Variants in PLPPR5 observed in about 807,000 individuals in gnomAD.
The protein encoded by PLPPR5 is phospholipid phosphatase related 5.
Under a neutral mutation model 33.9 loss-of-function variants are expected in PLPPR5, and 16 were observed. The ratio of observed to expected loss-of-function variants is 0.47; its 90% CI spans 0.32 to 0.72. The LOEUF (loss-of-function observed/expected upper bound fraction) is 0.72, where lower values mean the gene tolerates loss of function less well. PLPPR5 is among the 30% of genes least tolerant of loss of function. PLPPR5 has a pLI of 0.03. For synonymous variants in PLPPR5, 163 were observed against 150.3 expected, an observed-to-expected ratio of 1.08 and a Z score of -0.62; for missense variants, 301 against 406.7, an observed-to-expected ratio of 0.74 and a Z score of 2.23.
At chr1:98,919,476 T>C (rs1649471100) in intron 4 of PLPPR5, among the ~76,000 whole-genome samples, 1 of 152,180 alleles carries the variant, frequency 6.6e-6, no homozygotes, top group South Asian at 2.1e-4. Flanking sequence ...TATTACAACA[T>C]ATTACAGGCC....
chr1:98,990,910 T>A lies in PLPPR5; in HGVS notation c.237+13525A>T, dbSNP rs371621374. On this transcript the variant is annotated intron_variant, in intron 1 of 5. Coordinates refer to ENST00000263177, the MANE Select transcript of PLPPR5 (RefSeq NM_001037317.2). The stretch of plus-strand genomic sequence containing the variant: ...AATACACAAATATTAGCGTTATTTA[T>A]ATCTACCATTTTAAAGGCATTATGG... The A allele has an allele frequency of 2.0e-5, 3 of 152,178 alleles. No individual in the cohort carries two copies. The East Asian group carries it at 5.8e-4, about 29-fold the overall frequency. The allele number at this position is 152,178 out of a possible 1,614,324, so 9.4% of individuals were successfully genotyped here. A position where few individuals can be genotyped will look rare whatever the true frequency, so the allele number is the denominator to read the frequency against.
chr1:98,983,611 G>A (rs1172128283), intron 1 of PLPPR5, among the ~76,000 whole-genome samples: 1 of 151,386 alleles, frequency 6.6e-6, no homozygotes, highest in Non-Finnish European at 1.5e-5. Flanking sequence ...CCAGTAATGG[G>A]ATGGCTGGGT....
At chr1:98,952,953 C>T in intron 3 of PLPPR5, 117 bp downstream of exon 3, 1 of 1,253,946 alleles carries the variant, frequency 8.0e-7, no homozygotes, top group South Asian at 1.5e-5. Flanking sequence ...AAATGGCCTA[C>T]AGAAAGATAT....
chr1:98,963,838 C>T (rs1309731539), intron 1 of PLPPR5, among the ~76,000 whole-genome samples: 1 of 152,148 alleles, frequency 6.6e-6, no homozygotes, highest in Non-Finnish European at 1.5e-5. Context: ...AAAAGATTTT[C>T]CTGATCCTAT....
chr1:98,961,037 C>A (rs1050896444), intron 1 of PLPPR5, among the ~76,000 whole-genome samples: 1 of 152,146 alleles, frequency 6.6e-6, no homozygotes, highest in African/African-American at 2.4e-5. Context: ...TCCCACTACC[C>A]CAATGAGACT....
chr1:98,891,432 C>T lies in PLPPR5; in HGVS notation c.*1640G>A, dbSNP rs1210409470. The stretch of plus-strand genomic sequence containing the variant: ...TTTCAGTCAATTACTGCCAAAGTTA[C>T]TTTGCCATATAAGCCAAAGTTACTT... On this transcript the variant is annotated 3_prime_UTR_variant, in exon 6 of 6. Transcript: ENST00000263177. 2.0e-5 allele frequency: 3 copies of T among 152,166 alleles called. No homozygotes were observed. Among genetic ancestry groups the T allele is most frequent in the South Asian group, 4.1e-4 (2 of 4,824 alleles). 9.4% of individuals were successfully genotyped at this position (152,166 alleles called of 1,614,324 possible). A position where few individuals can be genotyped will look rare whatever the true frequency, so the allele number is the denominator to read the frequency against.
intron 1 of PLPPR5, among the ~76,000 whole-genome samples, chr1:98,997,295 C>T (rs1258435485): frequency 1.3e-5 from 2 of 152,086 alleles, no homozygotes; most frequent in South Asian, 2.1e-4. Flanking sequence ...TCTGAACTTC[C>T]GAAGGGCAGA....
rs560155091 is a variant in PLPPR5, at chr1:98,956,438, A to G, written c.370+171T>C. Among the ~76,000 whole-genome samples, 97 of 152,250 alleles carry G rather than the reference A, an allele frequency of 6.4e-4. 1 individual carries two copies. Among genetic ancestry groups the G allele is most frequent in the Admixed American group, 4.3e-3 (66 of 15,286 alleles). On this transcript the variant is annotated intron_variant, in intron 2 of 5. Transcript: ENST00000263177. The stretch of plus-strand genomic sequence containing the variant: ...TAGTGGTGATGTCTGCGATTTTGAT[A>G]CAACCATCACCCAAGCAGTGTGTAA...
intron 1 of PLPPR5, among the ~76,000 whole-genome samples, chr1:98,991,566 T>A (rs1384828957): frequency 3.3e-5 from 5 of 152,186 alleles, no homozygotes; most frequent in African/African-American, 1.2e-4. Flanking sequence ...CTCATGTCCA[T>A]GTTATATGAA....
chr1:98,992,306 C>T (rs1570761675), intron 1 of PLPPR5, among the ~76,000 whole-genome samples: 1 of 152,018 alleles, frequency 6.6e-6, no homozygotes, highest in East Asian at 1.9e-4. Flanking sequence ...GAGAGTACTC[C>T]TAAGAACAGA....
At chr1:98,918,381 T>C (rs191085053) in intron 4 of PLPPR5, among the ~76,000 whole-genome samples, 3 of 152,350 alleles carry the variant, frequency 2.0e-5, no homozygotes, top group Non-Finnish European at 4.4e-5. Context: ...TATTGTTGTA[T>C]ATGATAACAT....
At chr1:98,905,234 G>A (rs749872501) in intron 5 of PLPPR5, among the ~76,000 whole-genome samples, 9 of 152,080 alleles carry the variant, frequency 5.9e-5, no homozygotes, top group Non-Finnish European at 8.8e-5. Context: ...TCTTAATGTT[G>A]CATAAAAGAT....
chr1:98,957,874 C>T (rs1314326203), intron 1 of PLPPR5, among the ~76,000 whole-genome samples: 1 of 152,146 alleles, frequency 6.6e-6, no homozygotes, highest in Admixed American at 6.5e-5. Context: ...TATTAAAGGA[C>T]CTGGCTATCT....
chr1:98,913,243 T>C (rs893674725), intron 5 of PLPPR5, among the ~76,000 whole-genome samples: 1 of 152,218 alleles, frequency 6.6e-6, no homozygotes, highest in Admixed American at 6.5e-5. Context: ...ATCCATGATG[T>C]TGAGTACATC....
chr1:98,983,088 A>AT (rs57436557), intron 1 of PLPPR5, among the ~76,000 whole-genome samples: 2 of 151,130 alleles, frequency 1.3e-5, no homozygotes, highest in Non-Finnish European at 1.5e-5. Flanking sequence ...CATAAACTCC[A>AT]TTTTTTTTTT....
intron 1 of PLPPR5, among the ~76,000 whole-genome samples, chr1:98,966,365 A>G (rs1570740627): frequency 6.6e-6 from 1 of 152,208 alleles, no homozygotes; most frequent in East Asian, 1.9e-4. Context: ...AACATTTAAC[A>G]TATAATAAAA....
At position 98,947,306 on chromosome 1, in the gene PLPPR5, G is replaced by C. The variant is rs12098186; in HGVS notation, c.621+5764C>G. Among the ~76,000 whole-genome samples the C allele has an allele frequency of 8.0e-3, 1,216 of 152,240 alleles. 16 individuals are homozygous for C. Among genetic ancestry groups the C allele is most frequent in the African/African-American group, 0.028 (1,155 of 41,524 alleles). On this transcript the variant is annotated intron_variant, in intron 3 of 5. Transcript: ENST00000263177. The stretch of plus-strand genomic sequence containing the variant: ...CTGCTTAGTGGTTGTTGAAGACATG[G>C]GAATTTCTGTGATGTGACTGAAGAA...
intron 5 of PLPPR5, among the ~76,000 whole-genome samples, chr1:98,907,962 T>C (rs1182995487): frequency 6.6e-6 from 1 of 152,190 alleles, no homozygotes; most frequent in Non-Finnish European, 1.5e-5. Flanking sequence ...CCTATCCAGT[T>C]CACAAAAGGT....
intron 1 of PLPPR5, among the ~76,000 whole-genome samples, chr1:98,982,673 T>C (rs768488172): frequency 6.6e-6 from 1 of 152,088 alleles, no homozygotes; most frequent in Non-Finnish European, 1.5e-5. Context: ...ATTAAGATCT[T>C]TGAATTAAAT....
Sources: allele counts gnomAD v4.1 joint callset (sites outside exome capture counted in the v4.1 genomes callset), GRCh38; gene constraint gnomAD v4.1.1; transcripts MANE v1.5; gene names NCBI Gene and HGNC (gene_info 2026-07-23, HGNC 2026-07-21).